EXOC6: variants seen among roughly 807,000 people sequenced by gnomAD.
EXOC6 encodes the protein SEC15-like 1.
A neutral mutation model predicts 112.5 loss-of-function variants in EXOC6; 60 were observed. The ratio of observed to expected loss-of-function variants is 0.53; its 90% confidence interval spans 0.43 to 0.66. The LOEUF is 0.66. Ranked by LOEUF, EXOC6 falls within the 30% of genes least tolerant of loss-of-function variation. The pLI is 0.00. For missense variants in EXOC6, 855 were observed against 957.1 expected, an observed-to-expected ratio of 0.89 and a Z score of 1.41; for synonymous variants, 295 against 308.0, an observed-to-expected ratio of 0.96 and a Z score of 0.44.
intron 13 of EXOC6, among the ~76,000 whole-genome samples, chr10:92,943,692 C>G (rs960649812): frequency 6.7e-6 from 1 of 150,276 alleles, no homozygotes; most frequent in African/African-American, 2.5e-5. Context: ...ATTAACATAT[C>G]CATCACCTCA....
At chr10:92,966,360 A>G (rs1040483335) in intron 17 of EXOC6, among the ~76,000 whole-genome samples, 5 of 148,862 alleles carry the variant, frequency 3.4e-5, no homozygotes, top group African/African-American at 1.2e-4. Flanking sequence ...ATATGTATAC[A>G]TGTGCCATGC....
intron 1 of EXOC6, among the ~76,000 whole-genome samples, chr10:92,891,693 G>T (rs1021929829): frequency 2.0e-5 from 3 of 152,098 alleles, no homozygotes; most frequent in Non-Finnish European, 4.4e-5. Flanking sequence ...TGTTGGCCAG[G>T]CTAGTCTCAA....
At chr10:92,881,852 C>G (rs1474374623) in intron 1 of EXOC6, among the ~76,000 whole-genome samples, 1 of 152,088 alleles carries the variant, frequency 6.6e-6, no homozygotes, top group African/African-American at 2.4e-5. Flanking sequence ...AGGGGCATTC[C>G]TCTTTGCTTG....
At chr10:93,019,671 C>T (rs1844692895) in intron 20 of EXOC6, among the ~76,000 whole-genome samples, 1 of 151,916 alleles carries the variant, frequency 6.6e-6, no homozygotes, top group East Asian at 1.9e-4. Context: ...AACAAAAAAA[C>T]AAAAAAGAGA....
At chr10:92,987,396 A>G (rs835250) in intron 18 of EXOC6, among the ~76,000 whole-genome samples, 118,293 of 152,110 alleles carry the variant, frequency 0.78, 47,337 homozygotes, top group East Asian at 0.99. Flanking sequence ...GGATTTGTCT[A>G]ATTAGTATGG....
At chr10:93,048,191 C>CCATTGAAGGTTTTTATTATTTTTCAA (rs1554928671) in intron 20 of EXOC6, among the ~76,000 whole-genome samples, 1 of 151,494 alleles carries the variant, frequency 6.6e-6, no homozygotes. Context: ...TGCAGCACAC[C>CCATTGAAGGTTTTTATTATTTTTCAA]AACATGGCAC....
At chr10:93,010,909 T>C (rs995705282) in intron 19 of EXOC6, among the ~76,000 whole-genome samples, 1 of 152,166 alleles carries the variant, frequency 6.6e-6, no homozygotes, top group African/African-American at 2.4e-5. Context: ...GCTATATAAA[T>C]TTATAGTATC....
intron 20 of EXOC6, among the ~76,000 whole-genome samples, chr10:93,038,216 G>A (rs2478236): frequency 0.57 from 86,087 of 151,662 alleles, 27,360 homozygotes; most frequent in East Asian, 0.92. Flanking sequence ...CATACTAGTG[G>A]ATATTATAAC....
intron 1 of EXOC6, among the ~76,000 whole-genome samples, chr10:92,841,830 G>A (rs915747362): frequency 2.0e-5 from 3 of 152,140 alleles, no homozygotes; most frequent in African/African-American, 7.2e-5. Flanking sequence ...GAAAGGATTA[G>A]TTGAATTAGG....
intron 1 of EXOC6, among the ~76,000 whole-genome samples, chr10:92,870,243 C>T (rs542866420): frequency 1.1e-4 from 17 of 151,998 alleles, no homozygotes; most frequent in Admixed American, 4.6e-4. Flanking sequence ...CATGAGCCAC[C>T]GCGTGCCACC....
intron 1 of EXOC6, among the ~76,000 whole-genome samples, chr10:92,853,814 T>G (rs952760005): frequency 6.6e-6 from 1 of 152,088 alleles, no homozygotes; most frequent in Non-Finnish European, 1.5e-5. Context: ...TCTTTGTGAC[T>G]TTAGGATAGG....
intron 16 of EXOC6, 148 bp from the exon 17 acceptor site, chr10:92,955,432 G>T: frequency 1.8e-6 from 1 of 564,062 alleles, no homozygotes. Context: ...TTTGCAACAG[G>T]CTTTTAAAAT....
intron 19 of EXOC6, among the ~76,000 whole-genome samples, chr10:93,004,009 A>G (rs1457228150): frequency 1.3e-5 from 2 of 152,210 alleles, no homozygotes; most frequent in Non-Finnish European, 2.9e-5. Flanking sequence ...TCTGTGTCAT[A>G]GAATGTTAAC....
At chr10:93,001,630 C>T (rs1362943343) in intron 19 of EXOC6, among the ~76,000 whole-genome samples, 2 of 152,096 alleles carry the variant, frequency 1.3e-5, no homozygotes, top group Non-Finnish European at 1.5e-5. Flanking sequence ...TGGACTTGGC[C>T]CCTACGAAGG....
chr10:92,979,664 T>A (rs950848114), intron 18 of EXOC6, among the ~76,000 whole-genome samples: 1 of 152,148 alleles, frequency 6.6e-6, no homozygotes, highest in Non-Finnish European at 1.5e-5. Context: ...CTGTGGTGGC[T>A]CACACTGGTA....
At chr10:93,043,876 A>G (rs1407300825) in intron 20 of EXOC6, among the ~76,000 whole-genome samples, 1 of 152,220 alleles carries the variant, frequency 6.6e-6, no homozygotes, top group Admixed American at 6.5e-5. Context: ...TGTGACTTCA[A>G]TAGCTGTTTA....
At chr10:92,964,672 C>G (rs974652861) in intron 17 of EXOC6, among the ~76,000 whole-genome samples, 4 of 152,050 alleles carry the variant, frequency 2.6e-5, no homozygotes, top group Admixed American at 6.6e-5. Context: ...AGAAAATTGA[C>G]AGGAACTGAT....
chr10:92,848,732 T>A, intron 1 of EXOC6, 98 bp downstream of exon 1: 1 of 1,000,962 alleles, frequency 1.0e-6, no homozygotes, highest in Non-Finnish European at 1.2e-6. Flanking sequence ...CGCGCGAAGC[T>A]CCCCGACAGG....
intron 18 of EXOC6, among the ~76,000 whole-genome samples, chr10:92,994,521 G>A (rs959924345): frequency 2.0e-5 from 3 of 152,148 alleles, no homozygotes; most frequent in Non-Finnish European, 4.4e-5. Context: ...ACTTTGTAGA[G>A]AGAGGGAAAA....
Sources: gnomAD v4.1 joint callset for allele counts (sites outside exome capture counted in the v4.1 genomes callset) on GRCh38, gnomAD v4.1.1 for gene constraint, MANE v1.5 for transcripts, NCBI Gene and HGNC (gene_info 2026-07-23, HGNC 2026-07-21) for gene names.